The following DENND1A variants were observed in gnomAD, a reference collection of about 807,000 sequenced individuals.
DENND1A encodes DENN domain containing 1A, also known as DENN domain-containing protein 1A.
A neutral mutation model predicts 113.7 loss-of-function variants in DENND1A; 51 were observed. The ratio of observed to expected loss-of-function variants is 0.45; its 90% CI spans 0.36 to 0.57. DENND1A has a LOEUF of 0.57. DENND1A is among the 20% of genes least tolerant of loss of function. The pLI, the probability that DENND1A is intolerant of heterozygous loss-of-function variation, is 0.00. For synonymous variants in DENND1A, 565 were observed against 570.8 expected (o/e 0.99, Z 0.14); for missense variants, 1,258 against 1,395.9 (o/e 0.90, Z 1.57).
intron 5 of DENND1A, chr9:123,751,040 C>T (rs1385547474): frequency 6.6e-6 from 1 of 152,184 alleles, no homozygotes; most frequent in Non-Finnish European, 1.5e-5. Context: ...ACACACAACC[C>T]AAAAGGGCTT....
intron 1 of DENND1A, among the ~76,000 whole-genome samples, chr9:123,914,728 G>C (rs1854768843): frequency 6.6e-6 from 1 of 151,772 alleles, no homozygotes; most frequent in Non-Finnish European, 1.5e-5. Flanking sequence ...AGTGAAACAA[G>C]GGAGGGAGGG....
intron 21 of DENND1A, among the ~76,000 whole-genome samples, chr9:123,396,939 G>A (rs2043168740): frequency 6.6e-6 from 1 of 152,216 alleles, no homozygotes; most frequent in Non-Finnish European, 1.5e-5. Flanking sequence ...CTGGTTAAGG[G>A]TAAAGGCTTT....
chr9:123,806,281 A>C (rs564534587), intron 2 of DENND1A, among the ~76,000 whole-genome samples: 4 of 151,514 alleles, frequency 2.6e-5, no homozygotes, highest in Admixed American at 6.6e-5. Flanking sequence ...ATTGAGACAG[A>C]GTCTCGCTCT....
intron 1 of DENND1A, among the ~76,000 whole-genome samples, chr9:123,891,796 C>T (rs1219420898): frequency 3.3e-5 from 5 of 152,144 alleles, no homozygotes; most frequent in African/African-American, 1.2e-4. Flanking sequence ...AACCAAAATT[C>T]CATCGATCCA....
chr9:123,910,901 C>G (rs752489053), intron 1 of DENND1A, among the ~76,000 whole-genome samples: 28 of 152,298 alleles, frequency 1.8e-4, no homozygotes, highest in Middle Eastern at 3.4e-3. Context: ...CTAGATGAAG[C>G]CATTGCATTC....
intron 19 of DENND1A, among the ~76,000 whole-genome samples, chr9:123,424,233 CCTG>C (rs1470051411): frequency 2.0e-5 from 3 of 152,178 alleles, no homozygotes; most frequent in Admixed American, 2.0e-4. Flanking sequence ...GTCCATCAAT[CCTG>C]CACACCCCAA....
At chr9:123,694,265 T>G (rs1434201649) in intron 5 of DENND1A, among the ~76,000 whole-genome samples, 2 of 152,148 alleles carry the variant, frequency 1.3e-5, no homozygotes, top group East Asian at 3.9e-4. Flanking sequence ...AGCTAAGAAA[T>G]CATGCCCATC....
rs115598793 is a variant in DENND1A at position 123,598,105 on chromosome 9, G to A, written c.765+11331C>T. The stretch of plus-strand genomic sequence containing the variant: ...ACCCTTTGATCTTCACTCGGCAGGT[G>A]GCCTGGAGCCCCCTCCTGGGCATCT... On this transcript the variant is annotated intron_variant, in intron 11 of 23. Coordinates refer to ENST00000394215, the MANE Select transcript of DENND1A (RefSeq NM_001352964.2). Among the ~76,000 whole-genome samples, 502 of 152,292 alleles carry A rather than the reference G, an allele frequency of 3.3e-3. 4 individuals are homozygous for A. The highest frequency in any genetic ancestry group is 0.012 in the African/African-American group (484 of 41,574).
intron 1 of DENND1A, among the ~76,000 whole-genome samples, chr9:123,885,711 T>C (rs1848966323): frequency 6.6e-6 from 1 of 152,244 alleles, no homozygotes; most frequent in African/African-American, 2.4e-5. Flanking sequence ...AGAGCATTTC[T>C]ATTCAAGATC....
At chr9:123,756,886 G>T (rs905195385) in intron 5 of DENND1A, among the ~76,000 whole-genome samples, 1 of 152,136 alleles carries the variant, frequency 6.6e-6, no homozygotes, top group African/African-American at 2.4e-5. Flanking sequence ...TGGGGGCCCG[G>T]GTTTTGTCAT....
At chr9:123,598,098 G>A (rs1219439388) in intron 11 of DENND1A, among the ~76,000 whole-genome samples, 4 of 152,114 alleles carry the variant, frequency 2.6e-5, no homozygotes, top group Admixed American at 2.0e-4. Context: ...ATCTTCACTC[G>A]GCAGGTGGCC....
chr9:123,864,000 A>C (rs1443392433), intron 2 of DENND1A, among the ~76,000 whole-genome samples: 2 of 151,896 alleles, frequency 1.3e-5, no homozygotes, highest in Admixed American at 6.6e-5. Context: ...AAAAAAAAAA[A>C]ACACACAGAA....
chr9:123,381,750 G>A lies in DENND1A; in HGVS notation c.2895C>T (p.His965=). ...NLFGQMPMGT[H]TSPLQPLGPP... ...GACCCAGCGGCTGTAGGGGGCTCGT[G>A]TGGGTGCCCATGGGCATCTGGCCAA... The change falls in exon 24 of 24, where the codon CAC becomes CAT. Residue 965 remains histidine, a synonymous_variant. Coordinates refer to ENST00000394215, the MANE Select transcript of DENND1A (RefSeq NM_001352964.2). The surrounding 1 kb of genome is among the most constrained non-coding windows in gnomAD (Gnocchi z 4.7). The A allele has an allele frequency of 2.0e-6, 3 of 1,513,142 alleles. No individual in the cohort carries two copies. The highest frequency in any genetic ancestry group is 1.3e-5 in the South Asian group (1 of 77,170). 93.7% of individuals were successfully genotyped at this position (1,513,142 alleles called of 1,614,324 possible). A position where few individuals can be genotyped will look rare whatever the true frequency, so the allele number is the denominator to read the frequency against.
intron 3 of DENND1A, among the ~76,000 whole-genome samples, chr9:123,770,365 T>A (rs1178771356): frequency 6.6e-6 from 1 of 152,184 alleles, no homozygotes; most frequent in African/African-American, 2.4e-5. Context: ...AACTTATTCA[T>A]AGAAGACAAT....
chr9:123,458,413 G>A (rs934467198), intron 13 of DENND1A, among the ~76,000 whole-genome samples: 15 of 152,130 alleles, frequency 9.9e-5, no homozygotes, highest in Admixed American at 5.2e-4. Context: ...TAATAGTGAA[G>A]TAGCTATTAT....
At chr9:123,704,054 T>A (rs2066034443) in intron 5 of DENND1A, among the ~76,000 whole-genome samples, 1 of 151,872 alleles carries the variant, frequency 6.6e-6, no homozygotes, top group South Asian at 2.1e-4. Context: ...TCCCAACTGA[T>A]ACAATTAAAT....
chr9:123,651,082 TA>T (rs2062624571), intron 9 of DENND1A, among the ~76,000 whole-genome samples: 1 of 151,822 alleles, frequency 6.6e-6, no homozygotes, highest in Non-Finnish European at 1.5e-5. Flanking sequence ...AGAATTTTCA[TA>T]AAAAATATTG....
intron 13 of DENND1A, among the ~76,000 whole-genome samples, chr9:123,515,121 A>AG (rs1295381860): frequency 1.3e-5 from 2 of 152,254 alleles, no homozygotes; most frequent in Non-Finnish European, 2.9e-5. Context: ...ACGGTACTAA[A>AG]GAGACATAAC....
intron 13 of DENND1A, among the ~76,000 whole-genome samples, chr9:123,525,070 T>G (rs1354536626): frequency 6.6e-6 from 1 of 152,202 alleles, no homozygotes; most frequent in Admixed American, 6.5e-5. Context: ...GAAACAGGCA[T>G]AGTCACTCTA....
Sources: allele counts gnomAD v4.1 joint callset (sites outside exome capture counted in the v4.1 genomes callset), GRCh38; gene constraint gnomAD v4.1.1; non-coding constraint Gnocchi (gnomAD v3.1); transcripts MANE v1.5; gene names NCBI Gene and HGNC (gene_info 2026-07-23, HGNC 2026-07-21).